PCYT1B: variants seen among roughly 807,000 people sequenced by gnomAD.
PCYT1B encodes the protein phosphate cytidylyltransferase 1B, choline.
A neutral mutation model predicts 26.4 loss-of-function variants in PCYT1B; 10 were observed. The ratio of observed to expected loss-of-function variants is 0.38; its 90% CI spans 0.23 to 0.64. The LOEUF is 0.64. Among genes scored for constraint, PCYT1B ranks in the 30% least tolerant of loss-of-function variants. The pLI is 0.56. For synonymous variants in PCYT1B, 131 were observed against 108.4 expected (o/e 1.21, Z -1.29); for missense variants, 161 against 292.7 (o/e 0.55, Z 3.28).
Position 24,668,666 on chromosome X carries a change from T to C in PCYT1B, c.63+3904A>G, listed in dbSNP as rs200379838. On this transcript the variant is annotated intron_variant, in intron 1 of 7. Coordinates refer to the PCYT1B transcript ENST00000379145. ...GTGTGAAAGTGTTTTATGCTACCAT[T>C]CTACTTTAATATCCAAAGGCAAGGA... 7.3e-5 allele frequency among the ~76,000 whole-genome samples: 8 copies of C among 108,848 alleles called. No homozygotes were observed. The East Asian group carries it at 2.1e-3, about 28-fold the overall frequency. 94.5% of individuals were successfully genotyped at this position (108,848 alleles called of 115,157 possible). A position where few individuals can be genotyped will look rare whatever the true frequency, so the allele number is the denominator to read the frequency against.
upstream of PCYT1B, among the ~76,000 whole-genome samples, chrX:24,650,634 G>A (rs1320932499): frequency 2.7e-5 from 3 of 111,911 alleles, no homozygotes; most frequent in East Asian, 8.4e-4. Flanking sequence ...GAATCATTAT[G>A]TATCTTGATT....
At chrX:24,566,962 A>G (rs1486273918) in intron 7 of PCYT1B, among the ~76,000 whole-genome samples, 5 of 112,440 alleles carry the variant, frequency 4.4e-5, no homozygotes, top group Non-Finnish European at 9.4e-5. Flanking sequence ...AAAAAGGTGC[A>G]GTACAACAGC....
In PCYT1B at chrX:24,559,811, GAC is replaced by G. The variant is rs1923339068; in HGVS notation, c.*2480_*2481del. The G allele has an allele frequency of 9.0e-6, 1 of 111,684 alleles. No individual in the cohort carries two copies. The highest frequency in any genetic ancestry group is 1.9e-5 in the Non-Finnish European group (1 of 53,152). 9.2% of individuals were successfully genotyped at this position (111,684 alleles called of 1,213,427 possible). On this transcript the variant is annotated 3_prime_UTR_variant, in exon 8 of 8. Transcript: ENST00000379144. ...TGGTGTGGGGGTAGGGGCTGGGAGA[GAC>G]TGAGAGATGGCCAAAAAGTATCAAA...
At chrX:24,600,693 A>T (rs1395352155) in intron 3 of PCYT1B, among the ~76,000 whole-genome samples, 2 of 111,652 alleles carry the variant, frequency 1.8e-5, no homozygotes, top group Non-Finnish European at 3.8e-5. Context: ...CCAAATTGAT[A>T]TTGAAGGAGA....
intron 3 of PCYT1B, among the ~76,000 whole-genome samples, chrX:24,604,619 G>A (rs753386840): frequency 2.2e-4 from 24 of 110,905 alleles, no homozygotes; most frequent in Admixed American, 1.8e-3. Context: ...GCAGAGGTAC[G>A]ATCATAGCTC....
chrX:24,662,501 A>G (rs1927049633), intron 1 of PCYT1B, among the ~76,000 whole-genome samples: 1 of 111,681 alleles, frequency 9.0e-6, no homozygotes, highest in African/African-American at 3.3e-5. Context: ...GAATGTGTCC[A>G]TAGAGGCAAA....
chrX:24,562,831 A>C (rs1427425807), intron 7 of PCYT1B, among the ~76,000 whole-genome samples: 2 of 108,255 alleles, frequency 1.8e-5, no homozygotes, highest in African/African-American at 6.8e-5. Context: ...AGGTTCAAGC[A>C]ATTCTCCTGC....
At chrX:24,665,287 TTTTTC>T (rs146011837) in intron 1 of PCYT1B, among the ~76,000 whole-genome samples, 1 of 107,311 alleles carries the variant, frequency 9.3e-6, no homozygotes, top group African/African-American at 3.3e-5. Flanking sequence ...ACTCATTTTA[TTTTTC>T]TTTTCTTTTC....
At chrX:24,613,250 A>G (rs1272303703) in intron 2 of PCYT1B, among the ~76,000 whole-genome samples, 1 of 112,493 alleles carries the variant, frequency 8.9e-6, no homozygotes, top group Non-Finnish European at 1.9e-5. Flanking sequence ...TATGGCAACT[A>G]GTACTGTTTT....
intron 1 of PCYT1B, among the ~76,000 whole-genome samples, chrX:24,624,351 C>G (rs893594301): frequency 8.9e-6 from 1 of 112,156 alleles, no homozygotes; most frequent in Non-Finnish European, 1.9e-5. Flanking sequence ...TTTAATATCC[C>G]TTTCCTATTT....
rs762405236 is a variant in PCYT1B, at chrX:24,664,745, G to A, written c.63+7825C>T. Among the ~76,000 whole-genome samples, 438 of 111,944 alleles carry A rather than the reference G, an allele frequency of 3.9e-3. 1 individual carries two copies. The highest frequency in any genetic ancestry group is 5.9e-3 in the Non-Finnish European group (314 of 53,218). On this transcript the variant is annotated intron_variant, in intron 1 of 7. Coordinates refer to the PCYT1B transcript ENST00000379145. ...GGTTGAGGCAGACAAATCACTTGAG[G>A]TCAGGAGTTTGAGACCAGCCTGGCC...
intron 3 of PCYT1B, among the ~76,000 whole-genome samples, chrX:24,607,417 C>G (rs1925174583): frequency 8.9e-6 from 1 of 112,011 alleles, no homozygotes. Flanking sequence ...TTCTCTTATC[C>G]CTCTAGAAAA....
intron 1 of PCYT1B, among the ~76,000 whole-genome samples, chrX:24,644,518 G>A (rs1926562358): frequency 9.1e-6 from 1 of 110,183 alleles, no homozygotes; most frequent in Non-Finnish European, 1.9e-5. Flanking sequence ...AAGATGGGAA[G>A]GGAATGTATC....
At chrX:24,652,008 C>A (rs1259549788), upstream of PCYT1B, among the ~76,000 whole-genome samples, 2 of 110,996 alleles carry the variant, frequency 1.8e-5, no homozygotes, top group African/African-American at 6.6e-5. Context: ...TCCTAAAGTC[C>A]TATCTCCAGT....
chrX:24,610,369 A>T (rs942612248), intron 2 of PCYT1B, among the ~76,000 whole-genome samples: 1 of 111,737 alleles, frequency 8.9e-6, no homozygotes, highest in African/African-American at 3.3e-5. Flanking sequence ...CCAATTATAC[A>T]CAAATTTGAA....
intron 1 of PCYT1B, among the ~76,000 whole-genome samples, chrX:24,620,861 T>C (rs1421715221): frequency 8.9e-6 from 1 of 111,900 alleles, no homozygotes; most frequent in Non-Finnish European, 1.9e-5. Context: ...CCACCCCCAC[T>C]GACTCCATTT....
chrX:24,672,231 T>C (rs1226097889), intron 1 of PCYT1B, among the ~76,000 whole-genome samples: 1 of 112,431 alleles, frequency 8.9e-6, no homozygotes, highest in African/African-American at 3.2e-5. Flanking sequence ...TCTCATTTCA[T>C]AGGATAAAGA....
intron 2 of PCYT1B, among the ~76,000 whole-genome samples, chrX:24,618,226 C>T (rs772610702): frequency 8.9e-6 from 1 of 112,113 alleles, no homozygotes; most frequent in Admixed American, 9.5e-5. Flanking sequence ...TTAAGGCACA[C>T]TAGAAACTTT....
In PCYT1B at chrX:24,639,523, C is replaced by G. The variant is rs764511512; in HGVS notation, c.117+7466G>C. ...ATTTGCTCTCATCACTGCATCTCAT[C>G]AGGAACCATCTCAGCCTTTCCACTT... On this transcript the variant is annotated intron_variant, in intron 1 of 7. Transcript: ENST00000379144. Among the ~76,000 whole-genome samples the G allele has an allele frequency of 9.0e-5, 10 of 111,439 alleles. No individual in the cohort carries two copies. The South Asian group carries it at 3.0e-3, about 34-fold the overall frequency.
Sources: allele counts gnomAD v4.1 joint callset (sites outside exome capture counted in the v4.1 genomes callset), GRCh38; gene constraint gnomAD v4.1.1; transcripts MANE v1.5; gene names NCBI Gene and HGNC (gene_info 2026-07-23, HGNC 2026-07-21).